USP20: variants seen among roughly 807,000 people sequenced by gnomAD.
The protein encoded by USP20 is ubiquitin carboxyl-terminal hydrolase 20.
In USP20, 80 loss-of-function variants were observed where a neutral mutation model predicts 124.2. The observed-to-expected ratio is 0.64, with a 90% CI of 0.54 to 0.78. The LOEUF is 0.78. Among genes scored for constraint, USP20 ranks in the 30% least tolerant of loss-of-function variants. The pLI is 0.00. For missense variants in USP20, 1,043 were observed against 1,244.4 expected (o/e 0.84, Z 2.44); for synonymous variants, 481 against 512.3 (o/e 0.94, Z 0.83).
Position 129,880,976 on chromosome 9 carries a change from C to G in USP20, c.*526C>G, listed in dbSNP as rs936331195. ...GCGTCACCAGGAAGGCTCTGAAGTC[C>G]CGGGCTGCTCTCAGCACTTCTCCTG... On this transcript the variant is annotated 3_prime_UTR_variant, in exon 26 of 26. Transcript: ENST00000372429. The G allele has an allele frequency of 6.6e-6, 1 of 152,502 alleles. No individual in the cohort carries two copies. The highest frequency in any genetic ancestry group is 1.5e-5 in the Non-Finnish European group (1 of 68,266). 9.4% of individuals were successfully genotyped at this position (152,502 alleles called of 1,614,324 possible). A position where few individuals can be genotyped will look rare whatever the true frequency, so the allele number is the denominator to read the frequency against.
At position 129,869,841 on chromosome 9, in the gene USP20, G is replaced by T; in HGVS notation, c.1562G>T (p.Arg521Leu). 6.2e-7 allele frequency: 1 copy of T among 1,612,944 alleles called. No homozygotes were observed. Among genetic ancestry groups the T allele is most frequent in the South Asian group, 1.1e-5 (1 of 90,950 alleles). Residue 521 changes from arginine (R) to leucine (L), a missense_variant, in exon 14 of 26, where the codon CGA (arginine) becomes CTA (leucine). Arg to Leu is a moderately radical substitution (Grantham distance 102). Coordinates refer to ENST00000372429, the MANE Select transcript of USP20 (RefSeq NM_001110303.4). The stretch of plus-strand genomic sequence containing the variant: ...CTGGCCTTCATTGTGGAGTACATCC[G>T]ACGGTGCGCCCACCTTGCCACTACT... ...GWLAFIVEYI[R>L]RFVVSCTPSW...
chr9:129,870,370 TGACA>T (rs1290915994), intron 14 of USP20, 79 bp from the exon 15 acceptor site: 1 of 1,472,528 alleles, frequency 6.8e-7, no homozygotes, highest in Non-Finnish European at 9.4e-7. Flanking sequence ...GGCTCAGGCC[TGACA>T]GACCTCAGCC....
intron 5 of USP20, 138 bp from the exon 6 acceptor site, chr9:129,858,329 G>A (rs2033327148): frequency 2.2e-6 from 3 of 1,335,842 alleles, no homozygotes; most frequent in East Asian, 4.6e-5. Flanking sequence ...CTGGGGGTGG[G>A]TAAGCAAAAT....
chr9:129,846,340 C>T (rs1342683472), intron 1 of USP20, among the ~76,000 whole-genome samples: 1 of 139,840 alleles, frequency 7.2e-6, no homozygotes, highest in East Asian at 2.2e-4. Flanking sequence ...ACTGCAGCCT[C>T]ATACTTCTGG....
chr9:129,872,448 G>A (rs1166857999), intron 15 of USP20, among the ~76,000 whole-genome samples: 4 of 151,972 alleles, frequency 2.6e-5, no homozygotes, highest in Admixed American at 1.3e-4. Context: ...CCACGGTGCC[G>A]GCCTCGTTAG....
chr9:129,874,899 C>G lies in USP20; in HGVS notation c.1992C>G (p.Val664=). ...GGTACGAGTTTGATGACCAGTACGT[C>G]ACAGAAGTCCACGAGACGGTGGTGC... is the stretch of plus-strand genomic sequence containing the variant. ...GQWYEFDDQY[V]TEVHETVVQN... The change falls in exon 19 of 26, where the codon GTC becomes GTG. Residue 664 remains valine, a synonymous_variant. Coordinates refer to ENST00000372429, the MANE Select transcript of USP20 (RefSeq NM_001110303.4). 1 of 1,614,144 alleles carries G rather than the reference C, an allele frequency of 6.2e-7. No homozygotes were observed. The highest frequency in any genetic ancestry group is 8.5e-7 in the Non-Finnish European group (1 of 1,180,040).
intron 3 of USP20, among the ~76,000 whole-genome samples, chr9:129,854,828 G>A (rs987621933): frequency 6.6e-6 from 1 of 151,616 alleles, no homozygotes; most frequent in African/African-American, 2.4e-5. Flanking sequence ...TCATCGTATG[G>A]GACAAGCTGC....
At chr9:129,871,042 A>G (rs10760641) in intron 15 of USP20, among the ~76,000 whole-genome samples, 129,677 of 152,064 alleles carry the variant, frequency 0.85, 56,151 homozygotes, top group East Asian at 1. Flanking sequence ...ACCATTGTAA[A>G]TGCTGTTTTT....
intron 17 of USP20, 135 bp from the exon 18 acceptor site, chr9:129,874,441 C>T: frequency 8.5e-7 from 1 of 1,178,094 alleles, no homozygotes; most frequent in Non-Finnish European, 1.2e-6. Flanking sequence ...AGTCTGGCCC[C>T]CACGTGGAAC....
At chr9:129,848,939 G>C (rs2032744275) in intron 1 of USP20, among the ~76,000 whole-genome samples, 2 of 152,214 alleles carry the variant, frequency 1.3e-5, no homozygotes. Flanking sequence ...TCTTTGAGCT[G>C]TCCACATCTG....
At position 129,873,469 on chromosome 9, in the gene USP20, T is replaced by G; in HGVS notation, c.1661-13T>G. ...TCCTTGCTAACCTCTGACCCTTTGT[T>G]TTACTGCCCTAGGTGACAACATGTA... On this transcript the variant is annotated splice_polypyrimidine_tract_variant and intron_variant, in intron 15 of 25. Transcript: ENST00000372429. 1.9e-6 allele frequency: 3 copies of G among 1,614,166 alleles called. No homozygotes were observed. The highest frequency in any genetic ancestry group is 2.5e-6 in the Non-Finnish European group (3 of 1,180,034).
chr9:129,856,436 GGGCTAGACT>G, intron 4 of USP20, 76 bp downstream of exon 4: 3 of 1,535,264 alleles, frequency 2.0e-6, no homozygotes, highest in Non-Finnish European at 2.7e-6. Flanking sequence ...CTGGTGCAGT[GGGCTAGACT>G]CTGGGCTGGG....
intron 6 of USP20, 62 bp from the exon 7 acceptor site, chr9:129,860,875 C>T: frequency 1.9e-6 from 3 of 1,554,136 alleles, no homozygotes; most frequent in Non-Finnish European, 2.7e-6. Context: ...TTGGGAGACA[C>T]CTGGGCCTCT....
At chr9:129,878,855 G>A (rs2034520069) in intron 23 of USP20, among the ~76,000 whole-genome samples, 1 of 152,234 alleles carries the variant, frequency 6.6e-6, no homozygotes, top group Middle Eastern at 3.2e-3. Flanking sequence ...ACCAAGCCAT[G>A]GAAGCCCACA....
intron 1 of USP20, among the ~76,000 whole-genome samples, chr9:129,837,588 G>A (rs145163011): frequency 6.6e-5 from 10 of 152,190 alleles, no homozygotes; most frequent in African/African-American, 2.4e-4. Flanking sequence ...CAGCAAAAGA[G>A]ACAAAAGATC....
intron 2 of USP20, among the ~76,000 whole-genome samples, chr9:129,850,963 G>GT (rs2032885135): frequency 6.6e-6 from 1 of 152,048 alleles, no homozygotes; most frequent in African/African-American, 2.4e-5. Flanking sequence ...CTTTTGTTTT[G>GT]TTTTTAAGAC....
chr9:129,861,573 C>T lies in USP20; in HGVS notation c.458C>T (p.Ser153Phe), dbSNP rs974750745. The T allele has an allele frequency of 6.2e-7, 1 of 1,614,044 alleles. No homozygotes were observed. The highest frequency in any genetic ancestry group is 8.5e-7 in the Non-Finnish European group (1 of 1,180,042). The change falls in exon 8 of 26, where the codon TCC (serine) becomes TTC (phenylalanine). Residue 153 changes from serine to phenylalanine, a missense_variant. By Grantham distance (155) the Ser-to-Phe change is radical (BLOSUM62 -2). Transcript: ENST00000372429. Reference sequence around the variant, plus strand: ...ACGGGCATGAAGAACCTCGGGAACTCCTGCTACATGAACGCTGCCCTGCAG... The same window carrying T: ...ACGGGCATGAAGAACCTCGGGAACTTCTGCTACATGAACGCTGCCCTGCAG... The part of the protein sequence containing the change: ...GLTGMKNLGN[S>F]CYMNAALQAL...
Position 129,880,284 on chromosome 9 carries a change from T to C in USP20, c.*11T>C, listed in dbSNP as rs761746301. On this transcript the variant is annotated 3_prime_UTR_variant, in exon 25 of 26. Coordinates refer to ENST00000372429, the MANE Select transcript of USP20 (RefSeq NM_001110303.4). ...ACGCGGGCCGTGTGATCTGCTGGGC[T>C]AGTCTGTAAGTCGCCCCGGCTGGTC... is the stretch of plus-strand genomic sequence containing the variant. The C allele has an allele frequency of 3.8e-6, 6 of 1,581,770 alleles. No homozygotes were observed. Among genetic ancestry groups the C allele is most frequent in the Admixed American group, 1.8e-5 (1 of 54,718 alleles).
chr9:129,862,442 A>T (rs546330346), intron 8 of USP20, among the ~76,000 whole-genome samples: 22 of 151,850 alleles, frequency 1.4e-4, no homozygotes, highest in Admixed American at 1.4e-3. Context: ...AGTCCCAGCT[A>T]CTGGGGAGGC....
Sources: allele counts gnomAD v4.1 joint callset (sites outside exome capture counted in the v4.1 genomes callset), GRCh38; gene constraint gnomAD v4.1.1; transcripts MANE v1.5; gene names NCBI Gene and HGNC (gene_info 2026-07-23, HGNC 2026-07-21).